The following ANKRD11 variants were observed in gnomAD, a reference collection of about 807,000 sequenced individuals.
The protein encoded by ANKRD11 is ankyrin repeat domain 11, also known as ankyrin repeat domain-containing protein 11.
ANKRD11 carries 17 observed loss-of-function variants against 195.7 expected under a neutral mutation model. The observed-to-expected ratio is 0.09, with a 90% confidence interval of 0.06 to 0.13. The LOEUF (loss-of-function observed/expected upper bound fraction) is 0.13. Ranked by LOEUF, ANKRD11 falls within the 10% of genes least tolerant of loss-of-function variation. The pLI is 1.00. For synonymous variants in ANKRD11, 1,953 were observed against 1,528.1 expected (o/e 1.28, Z -6.49); for missense variants, 3,735 against 3,566.1 (o/e 1.05, Z -1.21).
At chr16:89,270,409 C>A (rs748395505) in intron 12 of ANKRD11, 3 of 304,068 alleles carry the variant, frequency 9.9e-6, no homozygotes, top group East Asian at 8.4e-5. Flanking sequence ...GCAGCCCTCG[C>A]GACCGGGATA....
At chr16:89,409,829 AATTTATTT>A (rs1262220424) in intron 2 of ANKRD11, among the ~76,000 whole-genome samples, 1 of 151,396 alleles carries the variant, frequency 6.6e-6, no homozygotes, top group South Asian at 2.1e-4. Flanking sequence ...TTTCAATCTA[AATTTATTT>A]ATTTATTTAT....
intron 2 of ANKRD11, among the ~76,000 whole-genome samples, chr16:89,401,326 C>T (rs1027338917): frequency 2.6e-5 from 4 of 152,112 alleles, no homozygotes; most frequent in South Asian, 2.1e-4. Flanking sequence ...ATCCACCCAC[C>T]TTGGCCTCCC....
At chr16:89,275,541 G>A (rs911955148) in intron 9 of ANKRD11, among the ~76,000 whole-genome samples, 5 of 152,230 alleles carry the variant, frequency 3.3e-5, no homozygotes, top group South Asian at 2.1e-4. Flanking sequence ...GACAGCAGGA[G>A]GGGGCTGGGG....
intron 1 of ANKRD11, among the ~76,000 whole-genome samples, chr16:89,424,453 AGAG>A (rs1333848009): frequency 1.5e-5 from 2 of 136,616 alleles, no homozygotes; most frequent in African/African-American, 2.7e-5. Flanking sequence ...AAAAAAAAAA[AGAG>A]AGAGAAAGAA....
chr16:89,338,417 ACT>A (rs2038485203), intron 2 of ANKRD11, among the ~76,000 whole-genome samples: 1 of 120,508 alleles, frequency 8.3e-6, no homozygotes, highest in African/African-American at 3.4e-5. Flanking sequence ...CTTAACATAC[ACT>A]CTGTTAAAAA....
intron 2 of ANKRD11, among the ~76,000 whole-genome samples, chr16:89,318,550 C>T (rs529782150): frequency 2.3e-5 from 3 of 129,228 alleles, no homozygotes; most frequent in East Asian, 2.3e-4. Flanking sequence ...TTTTGAAACA[C>T]GATGTGCAGA....
At position 89,355,098 on chromosome 16, in the gene ANKRD11, C is replaced by T. The variant is rs116028242; in HGVS notation, c.-59-38020G>A. ...TCAGAAAAAGTCTAAATGTTGCTGACATTTCCTGGGCAGCTGCCCTGTGGT... is the reference window on the plus strand; with the variant it reads ...TCAGAAAAAGTCTAAATGTTGCTGATATTTCCTGGGCAGCTGCCCTGTGGT... On this transcript the variant is annotated intron_variant, in intron 2 of 12. Transcript: ENST00000301030. Among the ~76,000 whole-genome samples, 988 of 152,308 alleles carry T rather than the reference C, an allele frequency of 6.5e-3. 15 individuals carry two copies. Among genetic ancestry groups the T allele is most frequent in the African/African-American group, 0.022 (935 of 41,556 alleles).
At chr16:89,454,845 G>A (rs375684216) in intron 1 of ANKRD11, among the ~76,000 whole-genome samples, 1 of 74,116 alleles carries the variant, frequency 1.3e-5, no homozygotes, top group African/African-American at 5.9e-5. Flanking sequence ...TGCTCCCCTG[G>A]GTGTTTCTAG....
intron 1 of ANKRD11, among the ~76,000 whole-genome samples, chr16:89,458,241 T>C (rs1385753237): frequency 6.6e-6 from 1 of 152,184 alleles, no homozygotes; most frequent in Non-Finnish European, 1.5e-5. Flanking sequence ...TTTTTTTTTT[T>C]TGAGACGGAA....
chr16:89,402,638 G>C (rs961497824), intron 2 of ANKRD11, among the ~76,000 whole-genome samples: 5 of 150,636 alleles, frequency 3.3e-5, no homozygotes, highest in African/African-American at 7.3e-5. Context: ...GCTGTGGGTG[G>C]GGGGGGCAGC....
At position 89,281,436 on chromosome 16, in the gene ANKRD11, G is replaced by A. The variant is rs531636092; in HGVS notation, c.5106C>T (p.Gly1702=). The change falls in exon 9 of 13, where the codon GGC becomes GGT. Residue 1702 remains glycine, a synonymous_variant. Transcript: ENST00000301030. This position sits in a 1 kb window ranked among gnomAD's most constrained non-coding sequence, Gnocchi z 5.5. ...SPRPDQSRPT[G]VPTPTSVLSC... ...ATAGCACCGACGTAGGGGTGGGCAC[G>A]CCAGTGGGCCGGCTCTGGTCAGGCC... The A allele has an allele frequency of 1.2e-6, 2 of 1,613,052 alleles. No individual in the cohort carries two copies. The highest frequency in any genetic ancestry group is 1.3e-5 in the African/African-American group (1 of 74,974).
chr16:89,282,435 C>G lies in ANKRD11; in HGVS notation c.4107G>C (p.Glu1369Asp), dbSNP rs758469525. ...KSHDRERAKK[E>D]KAEKKEKGED... ...CGCCCTTCTCTTTCTTCTCGGCCTT[C>G]TCTTTCTTGGCTCGCTCTCGGTCGT... Residue 1369 changes from glutamate (E) to aspartate (D), a missense_variant, in exon 9 of 13, where the codon GAG (glutamate) becomes GAC (aspartate). Transcript: ENST00000301030. The G allele has an allele frequency of 1.2e-6, 2 of 1,614,136 alleles. No homozygotes were observed. The highest frequency in any genetic ancestry group is 2.2e-5 in the South Asian group (2 of 91,072).
At chr16:89,344,043 G>A (rs1413673215) in intron 2 of ANKRD11, among the ~76,000 whole-genome samples, 2 of 152,120 alleles carry the variant, frequency 1.3e-5, no homozygotes, top group African/African-American at 4.8e-5. Context: ...CCTCAAGCCC[G>A]GCCCCGCCCC....
rs939808667 is a variant in ANKRD11, at chr16:89,281,199, C to T, written c.5343G>A (p.Arg1781=). The change falls in exon 9 of 13, where the codon AGG becomes AGA. Residue 1781 remains arginine (R), a synonymous_variant. Transcript: ENST00000301030. The surrounding 1 kb of genome is among the most constrained non-coding windows in gnomAD (Gnocchi z 5.5). Reference sequence around the variant, plus strand: ...AGCGGTAAAGGTTTGTGGAGAGAGGCCTGGCAGGAGCCTGGCTGGCGTTTT... The same window carrying T: ...AGCGGTAAAGGTTTGTGGAGAGAGGTCTGGCAGGAGCCTGGCTGGCGTTTT... ...LSENASQAPA[R]PLSTNLYRSV... 2 of 1,614,066 alleles carry T rather than the reference C, an allele frequency of 1.2e-6. No homozygotes were observed. Among genetic ancestry groups the T allele is most frequent in the African/African-American group, 2.7e-5 (2 of 74,922 alleles).
At position 89,279,006 on chromosome 16, in the gene ANKRD11, G is replaced by A. The variant is rs774014247; in HGVS notation, c.7470+66C>T. The A allele has an allele frequency of 2.5e-6, 4 of 1,596,610 alleles. No homozygotes were observed. In the South Asian group the frequency reaches 3.4e-5, roughly 13 times the overall value. ...GGGACAAGACGGGCTGGAGGAAGCCGTGACTAGGGGCCCCAGACGCATCCC... is the reference window on the plus strand; with the variant it reads ...GGGACAAGACGGGCTGGAGGAAGCCATGACTAGGGGCCCCAGACGCATCCC... On this transcript the variant is annotated intron_variant, in intron 9 of 12. Coordinates refer to ENST00000301030, the MANE Select transcript of ANKRD11 (RefSeq NM_013275.6). The surrounding 1 kb of genome is among the most constrained non-coding windows in gnomAD (Gnocchi z 5.6).
chr16:89,299,110 C>G (rs1158326422), intron 4 of ANKRD11: 1 of 153,458 alleles, frequency 6.5e-6, no homozygotes, highest in East Asian at 1.9e-4. Flanking sequence ...AGAGGCCGAC[C>G]CTGCTTTCCA....
At position 89,280,651 on chromosome 16, in the gene ANKRD11, C is replaced by G; in HGVS notation, c.5891G>C (p.Gly1964Ala). The G allele has an allele frequency of 1.2e-6, 2 of 1,613,476 alleles. No individual in the cohort carries two copies. The highest frequency in any genetic ancestry group is 1.7e-6 in the Non-Finnish European group (2 of 1,179,966). The change falls in exon 9 of 13, where the codon GGG becomes GCG. Residue 1964 changes from glycine to alanine, a missense_variant. By Grantham distance (60) the Gly-to-Ala change is moderately conservative. Coordinates refer to ENST00000301030, the MANE Select transcript of ANKRD11 (RefSeq NM_013275.6). ...GCTCACAGGGTTTTCAGAGGTGCCC[C>G]CGATCAGGCTAGAGGCAAGCGCCTG... is the stretch of plus-strand genomic sequence containing the variant. ...SEQALASSLI[G>A]GTSENPVSWP...
Position 89,280,620 on chromosome 16 carries a change from A to G in ANKRD11, c.5922T>C (p.Pro1974=), listed in dbSNP as rs994275260. ...ACTTCAGCAGGAGGTCCGAGCCCACAGGCCAGCTCACAGGGTTTTCAGAGG... is the reference window on the plus strand; with the variant it reads ...ACTTCAGCAGGAGGTCCGAGCCCACGGGCCAGCTCACAGGGTTTTCAGAGG... ...GGTSENPVSW[P]VGSDLLLKSP... is the part of the protein sequence containing the mutation. Residue 1974 remains proline (P), a synonymous_variant, in exon 9 of 13, where the codon CCT becomes CCC. Coordinates refer to ENST00000301030, the MANE Select transcript of ANKRD11 (RefSeq NM_013275.6). The G allele has an allele frequency of 6.2e-7, 1 of 1,613,370 alleles. No individual in the cohort carries two copies. The highest frequency in any genetic ancestry group is 1.3e-5 in the African/African-American group (1 of 74,934).
intron 2 of ANKRD11, among the ~76,000 whole-genome samples, chr16:89,384,494 G>A (rs1172446899): frequency 6.6e-6 from 1 of 152,044 alleles, no homozygotes; most frequent in Non-Finnish European, 1.5e-5. Context: ...GGACGAGATG[G>A]AAATGGGACA....
Sources: allele counts gnomAD v4.1 joint callset (sites outside exome capture counted in the v4.1 genomes callset), GRCh38; gene constraint gnomAD v4.1.1; non-coding constraint Gnocchi (gnomAD v3.1); transcripts MANE v1.5; gene names NCBI Gene and HGNC (gene_info 2026-07-23, HGNC 2026-07-21).